Variants in CCDC170 observed in about 807,000 individuals in gnomAD.
CCDC170 encodes coiled-coil domain-containing protein 170.
A neutral mutation model predicts 72.6 loss-of-function variants in CCDC170; 69 were observed. That is an observed-to-expected ratio of 0.95 (90% CI 0.78 to 1.16). The LOEUF (loss-of-function observed/expected upper bound fraction) is 1.16. CCDC170 is among the 50% of genes most tolerant of loss of function. CCDC170 has a pLI of 0.00. For missense variants in CCDC170, 852 were observed against 832.5 expected (o/e 1.02, Z -0.29); for synonymous variants, 300 against 303.9 (o/e 0.99, Z 0.13).
chr6:151,617,051 G>A (rs1776979666), intron 10 of CCDC170, among the ~76,000 whole-genome samples: 1 of 152,216 alleles, frequency 6.6e-6, no homozygotes. Context: ...CAGAGCAAAT[G>A]AGCCTGGGGT....
At chr6:151,505,526 A>G (rs1782054746) in intron 1 of CCDC170, among the ~76,000 whole-genome samples, 1 of 151,724 alleles carries the variant, frequency 6.6e-6, no homozygotes, top group Non-Finnish European at 1.5e-5. Flanking sequence ...TACTAAAAAT[A>G]CAAAAAAATT....
chr6:151,517,754 T>C (rs1782258060), intron 1 of CCDC170, among the ~76,000 whole-genome samples: 1 of 152,166 alleles, frequency 6.6e-6, no homozygotes, highest in South Asian at 2.1e-4. Flanking sequence ...TAATAATTTC[T>C]TCTTAACTCC....
In CCDC170 at chr6:151,494,040, G is replaced by A; in HGVS notation, c.-89G>A. ...CCGCGGTGTTTACCCGTTGCCCGAG[G>A]AGACACCCGCGCCACCCGCCGGCTC... On this transcript the variant is annotated 5_prime_UTR_variant, in exon 1 of 11. Transcript: ENST00000239374. 1 of 1,294,130 alleles carries A rather than the reference G, an allele frequency of 7.7e-7. No homozygotes were observed. The highest frequency in any genetic ancestry group is 1.0e-6 in the Non-Finnish European group (1 of 993,498). The allele number at this position is 1,294,130 out of a possible 1,614,324, so 80.2% of individuals were successfully genotyped here. A position where few individuals can be genotyped will look rare whatever the true frequency, so the allele number is the denominator to read the frequency against.
chr6:151,615,493 AGAC>A lies in CCDC170; in HGVS notation c.1762_1764del (p.Asp588del). The A allele has an allele frequency of 1.2e-6, 2 of 1,614,162 alleles. No individual in the cohort carries two copies. Among genetic ancestry groups the A allele is most frequent in the Non-Finnish European group, 1.7e-6 (2 of 1,179,988 alleles). On this transcript the variant is annotated inframe_deletion, in exon 10 of 11. Transcript: ENST00000239374. ...CCATTGAAGATCTAAACAAATCCAG[AGAC>A]CAACTGGAGAAGATGAAGGAGAAAG...
chr6:151,548,409 A>T lies in CCDC170; in HGVS notation c.694A>T (p.Ile232Phe), dbSNP rs999102366. 6.2e-7 allele frequency: 1 copy of T among 1,613,200 alleles called. No homozygotes were observed. The highest frequency in any genetic ancestry group is 8.5e-7 in the Non-Finnish European group (1 of 1,179,394). Residue 232 changes from isoleucine to phenylalanine, a missense_variant, in exon 5 of 11, where the codon ATC becomes TTC. By Grantham distance (21) the Ile-to-Phe change is conservative. Transcript: ENST00000239374. ...GGAAGCAAAAGCTAGCAGAGAAACG[A>T]TCATGAGGCTGGCTTCAGAAGTCAA... is the stretch of plus-strand genomic sequence containing the variant. Reference protein sequence around the residue: ...EMEAKASRETIMRLASEVNRE... With the variant: ...EMEAKASRETFMRLASEVNRE...
chr6:151,552,027 T>G (rs201257983), intron 5 of CCDC170, among the ~76,000 whole-genome samples: 28 of 84 alleles, frequency 0.33, no homozygotes, highest in Admixed American at 0.5. Flanking sequence ...TAGTGTCAGG[T>G]TTTTTTTTTT....
At chr6:151,600,284 T>C (rs939222165) in intron 9 of CCDC170, among the ~76,000 whole-genome samples, 5 of 152,252 alleles carry the variant, frequency 3.3e-5, no homozygotes, top group Non-Finnish European at 5.9e-5. Context: ...TTAATTTCAC[T>C]ATTCATAAAG....
intron 5 of CCDC170, among the ~76,000 whole-genome samples, chr6:151,552,191 C>T (rs1782890549): frequency 6.6e-6 from 1 of 151,990 alleles, no homozygotes; most frequent in African/African-American, 2.4e-5. Context: ...CAGGTTAAGG[C>T]TTTTGGCAAG....
intron 3 of CCDC170, among the ~76,000 whole-genome samples, chr6:151,543,557 G>T (rs1782725419): frequency 1.3e-5 from 2 of 152,100 alleles, no homozygotes; most frequent in African/African-American, 4.8e-5. Flanking sequence ...CTGCCATCTA[G>T]CTTTATAACT....
chr6:151,504,004 A>T (rs1782031466), intron 1 of CCDC170, among the ~76,000 whole-genome samples: 2 of 152,232 alleles, frequency 1.3e-5, no homozygotes, highest in Non-Finnish European at 2.9e-5. Flanking sequence ...TCTAAGGAAC[A>T]TTATTGAGAT....
At chr6:151,580,264 G>A (rs1453502027) in intron 6 of CCDC170, among the ~76,000 whole-genome samples, 2 of 152,006 alleles carry the variant, frequency 1.3e-5, no homozygotes, top group African/African-American at 4.8e-5. Flanking sequence ...GTCATTTGTG[G>A]TATAGGAGAC....
At chr6:151,600,984 C>G (rs921045532) in intron 9 of CCDC170, among the ~76,000 whole-genome samples, 3 of 152,158 alleles carry the variant, frequency 2.0e-5, no homozygotes, top group South Asian at 4.1e-4. Context: ...ATAAATGGAA[C>G]CATATAATAC....
At chr6:151,495,435 G>A (rs560546542) in intron 1 of CCDC170, among the ~76,000 whole-genome samples, 5 of 151,840 alleles carry the variant, frequency 3.3e-5, no homozygotes. Flanking sequence ...GTAAATTACA[G>A]CCATCATGAT....
chr6:151,591,498 C>T (rs1776534020), intron 7 of CCDC170, among the ~76,000 whole-genome samples: 1 of 150,648 alleles, frequency 6.6e-6, no homozygotes, highest in Non-Finnish European at 1.5e-5. Flanking sequence ...ATGCATTAAA[C>T]AATTTTTTTT....
At chr6:151,548,603 A>G (rs1782818565) in intron 5 of CCDC170, 114 bp downstream of exon 5, 2 of 940,108 alleles carry the variant, frequency 2.1e-6, no homozygotes, top group Non-Finnish European at 3.0e-6. Context: ...TTTTTTATTG[A>G]TCACAATTTT....
At chr6:151,608,828 C>T (rs572276119) in intron 9 of CCDC170, among the ~76,000 whole-genome samples, 3 of 152,310 alleles carry the variant, frequency 2.0e-5, no homozygotes, top group East Asian at 1.9e-4. Context: ...GTGAGTTTGC[C>T]TCAGCATAAA....
chr6:151,498,372 C>T (rs1410642424), intron 1 of CCDC170, among the ~76,000 whole-genome samples: 1 of 152,150 alleles, frequency 6.6e-6, no homozygotes, highest in Non-Finnish European at 1.5e-5. Context: ...TTTTTCTTCC[C>T]ATCATTTCTA....
intron 1 of CCDC170, among the ~76,000 whole-genome samples, chr6:151,516,518 G>A (rs200613857): frequency 7.9e-5 from 12 of 152,100 alleles, no homozygotes; most frequent in East Asian, 3.9e-4. Flanking sequence ...ATGTTGAAGC[G>A]GTGTTGTTGT....
chr6:151,570,361 C>T (rs1415653670), intron 5 of CCDC170, among the ~76,000 whole-genome samples: 1 of 152,186 alleles, frequency 6.6e-6, no homozygotes, highest in Admixed American at 6.5e-5. Flanking sequence ...AGTCGACCCT[C>T]TGCATCCACA....
Sources: gnomAD v4.1 joint callset for allele counts (sites outside exome capture counted in the v4.1 genomes callset) on GRCh38, gnomAD v4.1.1 for gene constraint, MANE v1.5 for transcripts, NCBI Gene and HGNC (gene_info 2026-07-23, HGNC 2026-07-21) for gene names.